Variants in ACSS2 observed in about 807,000 individuals in gnomAD.
ACSS2 encodes the protein acetyl-coenzyme A synthetase, cytoplasmic.
A neutral mutation model predicts 90.6 loss-of-function variants in ACSS2; 58 were observed. The ratio of observed to expected loss-of-function variants is 0.64; its 90% confidence interval spans 0.52 to 0.80. The LOEUF (loss-of-function observed/expected upper bound fraction) is 0.80, where lower values mean the gene tolerates loss of function less well. Ranked by LOEUF, ACSS2 falls within the 30% of genes least tolerant of loss-of-function variation. ACSS2 has a pLI of 0.00. For missense variants in ACSS2, 759 were observed against 912.0 expected, an observed-to-expected ratio of 0.83 and a Z score of 2.16; for synonymous variants, 300 against 330.9, an observed-to-expected ratio of 0.91 and a Z score of 1.01.
chr20:34,905,398 G>A (rs754565068), intron 2 of ACSS2, among the ~76,000 whole-genome samples: 43 of 151,258 alleles, frequency 2.8e-4, no homozygotes, highest in East Asian at 1.6e-3. Context: ...TCAGCCTCCC[G>A]AGTAGCTGGG....
At chr20:34,895,712 A>G (rs1212948645) in intron 2 of ACSS2, among the ~76,000 whole-genome samples, 1 of 152,222 alleles carries the variant, frequency 6.6e-6, no homozygotes, top group Non-Finnish European at 1.5e-5. Context: ...ACGTGGGAGA[A>G]GGGTAATTGT....
chr20:34,904,485 A>C (rs531910557), intron 2 of ACSS2, among the ~76,000 whole-genome samples: 13 of 152,286 alleles, frequency 8.5e-5, no homozygotes, highest in African/African-American at 3.1e-4. Context: ...GAAATGAGGG[A>C]CTAGATCATG....
intron 15 of ACSS2, 75 bp from the exon 16 acceptor site, chr20:34,926,030 C>A: frequency 6.5e-7 from 1 of 1,530,308 alleles, no homozygotes; most frequent in South Asian, 1.1e-5. Context: ...CAGGACTGCC[C>A]CATGGGTACA....
Position 34,927,301 on chromosome 20 carries a change from T to A in ACSS2, c.*87T>A. 6.4e-7 allele frequency: 1 copy of A among 1,553,012 alleles called. No homozygotes were observed. ...CCCTCAGGAGTGCTGAGGGCCAGTG[T>A]TGACCCACACTACCCTCCCTTGACC... On this transcript the variant is annotated 3_prime_UTR_variant, in exon 18 of 18. Transcript: ENST00000360596. This position sits in a 1 kb window ranked among gnomAD's most constrained non-coding sequence, Gnocchi z 4.2.
chr20:34,895,862 G>C (rs1474788191), intron 2 of ACSS2, among the ~76,000 whole-genome samples: 3 of 152,136 alleles, frequency 2.0e-5, no homozygotes, highest in African/African-American at 7.2e-5. Context: ...CGTAGATTGA[G>C]GACTAATGAT....
chr20:34,891,354 A>C (rs2080331598), intron 2 of ACSS2, among the ~76,000 whole-genome samples: 1 of 152,154 alleles, frequency 6.6e-6, no homozygotes, highest in Non-Finnish European at 1.5e-5. Flanking sequence ...CCAGAATTCT[A>C]TGACTGTTTC....
At position 34,889,168 on chromosome 20, in the gene ACSS2, G is replaced by C. The variant is rs141790081; in HGVS notation, c.374+6179G>C. ...GATGGAGTCTCGCTCTGTTGCCCAG[G>C]CTGGAGTGCAGTGGCACAATCTTCG... On this transcript the variant is annotated intron_variant, in intron 2 of 17. Transcript: ENST00000360596. Among the ~76,000 whole-genome samples, 1,367 of 152,018 alleles carry C rather than the reference G, an allele frequency of 9.0e-3. 15 individuals are homozygous for C. The highest frequency in any genetic ancestry group is 0.031 in the African/African-American group (1,290 of 41,418).
At chr20:34,907,797 C>G (rs2080845034) in intron 2 of ACSS2, among the ~76,000 whole-genome samples, 1 of 152,214 alleles carries the variant, frequency 6.6e-6, no homozygotes, top group African/African-American at 2.4e-5. Context: ...CCAGCTTCCT[C>G]TCTCCCTGTT....
chr20:34,905,295 C>A (rs543712758), intron 2 of ACSS2, among the ~76,000 whole-genome samples: 1 of 149,938 alleles, frequency 6.7e-6, no homozygotes, highest in East Asian at 2.0e-4. Context: ...GAGTCTCGCT[C>A]GGTCGCCCAG....
intron 2 of ACSS2, among the ~76,000 whole-genome samples, chr20:34,891,079 A>G (rs1396165706): frequency 1.3e-5 from 2 of 152,040 alleles, no homozygotes; most frequent in Admixed American, 1.3e-4. Context: ...TTTCCATATC[A>G]CCTTGACAAA....
At position 34,923,430 on chromosome 20, in the gene ACSS2, T is replaced by C. The variant is rs763201560; in HGVS notation, c.1656T>C (p.Asp552=). Residue 552 remains aspartate (D), a splice_region_variant and synonymous_variant, in exon 14 of 18, where the codon GAT becomes GAC. Transcript: ENST00000360596. ...KKFPGYYVTG[D]GCQRDQDGYY... is the part of the protein sequence containing the mutation. ...TTCCTGGATACTATGTTACAGGAGA[T>C]GGTGAGCCTTAGCTATCCCCCTCTT... 4 of 1,610,920 alleles carry C rather than the reference T, an allele frequency of 2.5e-6. No individual in the cohort carries two copies.
At chr20:34,897,060 AGAAT>A (rs1227601222) in intron 2 of ACSS2, among the ~76,000 whole-genome samples, 1 of 152,100 alleles carries the variant, frequency 6.6e-6, no homozygotes, top group African/African-American at 2.4e-5. Flanking sequence ...GAAAGAGGCA[AGAAT>A]GAATGAATGA....
At position 34,927,436 on chromosome 20, in the gene ACSS2, A is replaced by G. The variant is rs1429620201; in HGVS notation, c.*222A>G. On this transcript the variant is annotated 3_prime_UTR_variant, in exon 18 of 18. Coordinates refer to ENST00000360596, the MANE Select transcript of ACSS2 (RefSeq NM_018677.4). The surrounding 1 kb of genome is among the most constrained non-coding windows in gnomAD (Gnocchi z 4.2). Reference sequence around the variant, plus strand: ...CAGCCTCAGTCTGCTGTGCCTCCAGACTGCAGAGCTCTCAGAACCCAGAAC... The same window carrying G: ...CAGCCTCAGTCTGCTGTGCCTCCAGGCTGCAGAGCTCTCAGAACCCAGAAC... 1 of 608,664 alleles carries G rather than the reference A, an allele frequency of 1.6e-6. No homozygotes were observed. Among genetic ancestry groups the G allele is most frequent in the Non-Finnish European group, 2.9e-6 (1 of 348,480 alleles). 37.7% of individuals were successfully genotyped at this position (608,664 alleles called of 1,614,324 possible).
At chr20:34,915,104 C>A in intron 7 of ACSS2, 4 of 1,126,958 alleles carry the variant, frequency 3.5e-6, no homozygotes, top group Non-Finnish European at 5.4e-6. Flanking sequence ...AAAATGGAAG[C>A]TGGGAGGACC....
intron 2 of ACSS2, among the ~76,000 whole-genome samples, chr20:34,887,378 TA>T (rs1452382415): frequency 6.6e-6 from 1 of 152,226 alleles, no homozygotes; most frequent in Non-Finnish European, 1.5e-5. Flanking sequence ...AAATACCAGA[TA>T]AAATGTGTTA....
intron 1 of ACSS2, 108 bp from the exon 2 acceptor site, chr20:34,882,686 C>T (rs2080095279): frequency 1.9e-6 from 2 of 1,042,238 alleles, no homozygotes; most frequent in Non-Finnish European, 2.8e-6. Flanking sequence ...GTGGTGGGTC[C>T]TAGGGCAAGG....
intron 1 of ACSS2, among the ~76,000 whole-genome samples, chr20:34,877,909 C>CAGATAGACAGATAGATAGATAGAT (rs1555878359): frequency 6.8e-6 from 1 of 146,534 alleles, no homozygotes; most frequent in East Asian, 2.0e-4. Context: ...GATAGATAGA[C>CAGATAGACAGATAGATAGATAGAT]AGATAGATAG....
At position 34,927,937 on chromosome 20, in the gene ACSS2, A is replaced by G. The variant is rs1047407057; in HGVS notation, c.*723A>G. 1 of 152,874 alleles carries G rather than the reference A, an allele frequency of 6.5e-6. No individual in the cohort carries two copies. Among genetic ancestry groups the G allele is most frequent in the Non-Finnish European group, 1.5e-5 (1 of 68,456 alleles). The allele number at this position is 152,874 out of a possible 1,614,324, so 9.5% of individuals were successfully genotyped here. ...AGTCAGGCTCAAGCCCTGTGGTTGT[A>G]GGAATAAAGCCTGTGATCTCAAGAA... On this transcript the variant is annotated 3_prime_UTR_variant, in exon 18 of 18. Transcript: ENST00000360596. The surrounding 1 kb of genome is among the most constrained non-coding windows in gnomAD (Gnocchi z 4.2).
intron 1 of ACSS2, among the ~76,000 whole-genome samples, chr20:34,877,818 C>CAAAAAAAAAAAAAAAAAAAAAA (rs60819156): frequency 2.2e-5 from 2 of 91,216 alleles, no homozygotes; most frequent in African/African-American, 9.5e-5. Context: ...GACTTTGTCT[C>CAAAAAAAAAAAAAAAAAAAAAA]AAAAAAAAAA....
Sources: allele counts gnomAD v4.1 joint callset (sites outside exome capture counted in the v4.1 genomes callset), GRCh38; gene constraint gnomAD v4.1.1; non-coding constraint Gnocchi (gnomAD v3.1); transcripts MANE v1.5; gene names NCBI Gene and HGNC (gene_info 2026-07-23, HGNC 2026-07-21).